CCDC81: variants seen among roughly 807,000 people sequenced by gnomAD.
The protein encoded by CCDC81 is coiled-coil domain containing 81.
A neutral mutation model predicts 83.7 loss-of-function variants in CCDC81; 79 were observed. The observed-to-expected ratio is 0.94, with a 90% CI of 0.79 to 1.14. The LOEUF (loss-of-function observed/expected upper bound fraction) is 1.14. Ranked by LOEUF, CCDC81 falls within the 50% of genes most tolerant of loss-of-function variation. The probability of loss-of-function intolerance (pLI) is 0.00; values close to 1 mark genes in which losing one functional copy is unlikely to be tolerated. For synonymous variants in CCDC81, 252 were observed against 278.1 expected, an observed-to-expected ratio of 0.91 and a Z score of 0.93; for missense variants, 791 against 778.1, an observed-to-expected ratio of 1.02 and a Z score of -0.20.
intron 1 of CCDC81, among the ~76,000 whole-genome samples, chr11:86,379,513 TATA>T (rs1948147537): frequency 6.6e-6 from 1 of 152,212 alleles, no homozygotes; most frequent in African/African-American, 2.4e-5. Flanking sequence ...GTGATTGTTT[TATA>T]ATAACAAAAT....
intron 3 of CCDC81, among the ~76,000 whole-genome samples, chr11:86,389,632 G>T (rs1948295683): frequency 6.6e-6 from 1 of 152,122 alleles, no homozygotes; most frequent in African/African-American, 2.4e-5. Context: ...TATGAGAACA[G>T]CAAGGGGGAA....
intron 3 of CCDC81, among the ~76,000 whole-genome samples, chr11:86,388,490 A>T (rs977114217): frequency 1.3e-5 from 2 of 152,166 alleles, no homozygotes; most frequent in Admixed American, 1.3e-4. Context: ...AAATGGAGAC[A>T]ATCTATCTCC....
intron 10 of CCDC81, among the ~76,000 whole-genome samples, chr11:86,410,966 T>C (rs1948634908): frequency 6.6e-6 from 1 of 152,218 alleles, no homozygotes. Flanking sequence ...TATGCTCAAC[T>C]TCTCCAATAC....
Position 86,387,641 on chromosome 11 carries a change from TG to T in CCDC81, c.269del (p.Gly90AspfsTer22). On this transcript the variant is annotated frameshift_variant, in exon 3 of 15. Coordinates refer to ENST00000445632, the MANE Select transcript of CCDC81 (RefSeq NM_001156474.2). LOFTEE classifies it high-confidence loss of function. ...IMVEKLVQIH[G>X]LKQNKVYTPG... ...TGGTGGAGAAGCTAGTGCAGATTCA[TG>T]GACTCAAACAAAACAAAGTATATAC... is the stretch of plus-strand genomic sequence containing the variant. The T allele has an allele frequency of 6.2e-7, 1 of 1,607,742 alleles. No homozygotes were observed. Among genetic ancestry groups the T allele is most frequent in the South Asian group, 1.1e-5 (1 of 90,356 alleles).
intron 1 of CCDC81, among the ~76,000 whole-genome samples, chr11:86,383,973 G>A (rs1948207200): frequency 6.6e-6 from 1 of 152,188 alleles, no homozygotes; most frequent in Non-Finnish European, 1.5e-5. Flanking sequence ...TCCAAATGAA[G>A]AAAGACAGAA....
intron 3 of CCDC81, 34 bp downstream of exon 3, chr11:86,387,706 A>C: frequency 6.8e-7 from 1 of 1,478,380 alleles, no homozygotes; most frequent in East Asian, 2.3e-5. Context: ...TTTTCCCAGA[A>C]GGTTACTGTC....
At chr11:86,390,348 G>T (rs1460224106) in intron 3 of CCDC81, among the ~76,000 whole-genome samples, 1 of 152,142 alleles carries the variant, frequency 6.6e-6, no homozygotes, top group Non-Finnish European at 1.5e-5. Context: ...GGAAGTAACG[G>T]GTACTTCCGT....
At chr11:86,377,488 G>T (rs545219324) in intron 1 of CCDC81, among the ~76,000 whole-genome samples, 7 of 151,988 alleles carry the variant, frequency 4.6e-5, no homozygotes, top group Admixed American at 4.6e-4. Context: ...TTTAGATTTT[G>T]GTCATTCTAA....
chr11:86,421,910 C>CAAAAA (rs558739434), intron 14 of CCDC81, among the ~76,000 whole-genome samples: 1 of 94,162 alleles, frequency 1.1e-5, no homozygotes, highest in Non-Finnish European at 2.3e-5. Flanking sequence ...GACCTAGTCT[C>CAAAAA]AAAAAAAAAA....
chr11:86,399,149 C>A (rs1343440812), intron 6 of CCDC81, among the ~76,000 whole-genome samples: 4 of 152,132 alleles, frequency 2.6e-5, no homozygotes, highest in Middle Eastern at 3.2e-3. Context: ...GCTAATTAGG[C>A]CAAACAAAAC....
At chr11:86,414,043 T>C (rs1287254486) in intron 11 of CCDC81, among the ~76,000 whole-genome samples, 1 of 152,232 alleles carries the variant, frequency 6.6e-6, no homozygotes, top group Non-Finnish European at 1.5e-5. Context: ...AGATCATATA[T>C]GGGTTCTTTA....
chr11:86,386,160 T>TTATTAATTTATTAATAAATTAATTTA, intron 2 of CCDC81, 48 bp downstream of exon 2: 1 of 683,488 alleles, frequency 1.5e-6, no homozygotes, highest in South Asian at 4.4e-5. Context: ...ATTTATTAAT[T>TTATTAATTTATTAATAAATTAATTTA]TTAATGTAGG....
chr11:86,394,871 T>A (rs571162135), intron 4 of CCDC81, among the ~76,000 whole-genome samples: 1 of 152,306 alleles, frequency 6.6e-6, no homozygotes, highest in East Asian at 1.9e-4. Flanking sequence ...CCTTTTATTA[T>A]CCCCAGAAAC....
intron 5 of CCDC81, among the ~76,000 whole-genome samples, 155 bp from the exon 6 acceptor site, chr11:86,397,466 G>A (rs1373931464): frequency 6.6e-6 from 1 of 152,208 alleles, no homozygotes; most frequent in African/African-American, 2.4e-5. Context: ...ATTAATCTAT[G>A]ATATGTACTT....
rs1948702381 is a variant in CCDC81 at position 86,415,297 on chromosome 11, C to T, written c.1675C>T (p.Gln559Ter). 6.2e-7 allele frequency: 1 copy of T among 1,613,874 alleles called. No individual in the cohort carries two copies. Among genetic ancestry groups the T allele is most frequent in the Non-Finnish European group, 8.5e-7 (1 of 1,179,862 alleles). Residue 559 changes from glutamine (Q) to a stop codon, truncating the protein, a stop_gained, in exon 13 of 15, where the codon CAG (glutamine) becomes TAG (stop). Coordinates refer to ENST00000445632, the MANE Select transcript of CCDC81 (RefSeq NM_001156474.2). LOFTEE classifies it high-confidence loss of function. ...VDQRRDLQML[Q>*]RTQREHLADR... ...CCAGAGGCGGGATTTGCAAATGCTT[C>T]AGAGGACACAAAGAGAGTAAGGAGA...
chr11:86,415,305 A>G lies in CCDC81; in HGVS notation c.1683A>G (p.Thr561=), dbSNP rs149948826. The change falls in exon 13 of 15, where the codon ACA becomes ACG. Residue 561 remains threonine (T), a synonymous_variant. Transcript: ENST00000445632. ...QRRDLQMLQR[T]QREHLADRTA... is the part of the protein sequence containing the mutation. ...GGGATTTGCAAATGCTTCAGAGGACACAAAGAGAGTAAGGAGACCCCTGAT... is the reference window on the plus strand; with the variant it reads ...GGGATTTGCAAATGCTTCAGAGGACGCAAAGAGAGTAAGGAGACCCCTGAT... The G allele has an allele frequency of 6.3e-4, 1,015 of 1,613,376 alleles. 10 individuals carry two copies. The African/African-American group carries it at 0.012, about 20-fold the overall frequency.
chr11:86,395,317 C>G lies in CCDC81; in HGVS notation c.556-17C>G. ...ACCTCAGCCTAGATGTAACCTTGCTCTGTTGCTGTCCTCTAGAGGCCTGGC... is the reference window on the plus strand; with the variant it reads ...ACCTCAGCCTAGATGTAACCTTGCTGTGTTGCTGTCCTCTAGAGGCCTGGC... On this transcript the variant is annotated splice_polypyrimidine_tract_variant and intron_variant, in intron 4 of 14. Transcript: ENST00000445632. 3 of 1,611,598 alleles carry G rather than the reference C, an allele frequency of 1.9e-6. No homozygotes were observed. Among genetic ancestry groups the G allele is most frequent in the Non-Finnish European group, 2.5e-6 (3 of 1,178,078 alleles).
At chr11:86,412,630 T>C in intron 11 of CCDC81, 71 bp downstream of exon 11, 1 of 1,349,748 alleles carries the variant, frequency 7.4e-7, no homozygotes, top group Non-Finnish European at 1.0e-6. Context: ...TCATGTAGGA[T>C]TGAATCAGCA....
At chr11:86,392,518 C>G in intron 3 of CCDC81, 23 bp from the exon 4 acceptor site, 3 of 1,546,334 alleles carry the variant, frequency 1.9e-6, no homozygotes, top group Non-Finnish European at 2.6e-6. Context: ...TTTCTCCCAC[C>G]CCAACTGTCT....
Sources: gnomAD v4.1 joint callset for allele counts (sites outside exome capture counted in the v4.1 genomes callset) on GRCh38, gnomAD v4.1.1 for gene constraint, MANE v1.5 for transcripts, NCBI Gene and HGNC (gene_info 2026-07-23, HGNC 2026-07-21) for gene names.